The following ADGRL3 variants were observed in gnomAD, a reference collection of about 807,000 sequenced individuals.
ADGRL3 encodes the protein adhesion G protein-coupled receptor L3.
A neutral mutation model predicts 153.5 loss-of-function variants in ADGRL3; 62 were observed. The ratio of observed to expected loss-of-function variants is 0.40; its 90% CI spans 0.33 to 0.50. ADGRL3 has a LOEUF of 0.50. ADGRL3 is among the 20% of genes least tolerant of loss of function. The pLI is 0.47. For missense variants in ADGRL3, 1,641 were observed against 1,859.4 expected (o/e 0.88, Z 2.16); for synonymous variants, 710 against 672.5 (o/e 1.06, Z -0.86).
At chr4:61,451,035 G>A (rs971401948) in intron 2 of ADGRL3, among the ~76,000 whole-genome samples, 1 of 152,042 alleles carries the variant, frequency 6.6e-6, no homozygotes, top group Admixed American at 6.6e-5. Context: ...CATTTTGTGA[G>A]CACTTACTGT....
chr4:61,400,187 TG>T (rs1328667703), intron 2 of ADGRL3, among the ~76,000 whole-genome samples: 4 of 151,762 alleles, frequency 2.6e-5, no homozygotes, highest in Admixed American at 2.6e-4. Context: ...GCATGGTTAA[TG>T]TATCTAGAAG....
At chr4:61,662,792 T>TA (rs1227318910) in intron 5 of ADGRL3, among the ~76,000 whole-genome samples, 2 of 152,110 alleles carry the variant, frequency 1.3e-5, no homozygotes, top group Non-Finnish European at 2.9e-5. Context: ...ACCAATCCCA[T>TA]AAAAACCCTA....
chr4:61,400,263 G>A (rs2096914101), intron 2 of ADGRL3, among the ~76,000 whole-genome samples: 1 of 151,714 alleles, frequency 6.6e-6, no homozygotes, highest in East Asian at 1.9e-4. Context: ...ATTACCAGTG[G>A]ATTTGAGGAA....
At chr4:61,279,388 C>T (rs2093624293) in intron 1 of ADGRL3, among the ~76,000 whole-genome samples, 1 of 152,060 alleles carries the variant, frequency 6.6e-6, no homozygotes, top group Admixed American at 6.6e-5. Context: ...TTCCTGTCAT[C>T]CAGGTTAGTG....
rs147679096 is a variant in ADGRL3 at position 61,531,197 on chromosome 4, C to T, written c.259+13679C>T. Among the ~76,000 whole-genome samples, 25 of 152,260 alleles carry T rather than the reference C, an allele frequency of 1.6e-4. No homozygotes were observed. The East Asian group carries it at 4.6e-3, about 28-fold the overall frequency. On this transcript the variant is annotated intron_variant, in intron 4 of 26. Coordinates refer to ENST00000683033, the MANE Select transcript of ADGRL3 (RefSeq NM_001387552.1). ...CAAAGAAAATGAGTGTGTGTGTATA[C>T]GCATACATGTTCTTTCACAGACCTG...
At chr4:61,400,810 A>G (rs2096920998) in intron 2 of ADGRL3, among the ~76,000 whole-genome samples, 1 of 68,594 alleles carries the variant, frequency 1.5e-5, no homozygotes, top group African/African-American at 3.8e-5. Context: ...ATGTGCAGCT[A>G]AAGTTACAAA....
intron 9 of ADGRL3, among the ~76,000 whole-genome samples, chr4:61,830,600 G>A (rs1337295577): frequency 4.6e-5 from 7 of 152,042 alleles, no homozygotes; most frequent in Admixed American, 3.9e-4. Flanking sequence ...CTTAGAACTG[G>A]GGCAGTGATA....
At chr4:61,852,317 T>TATTTTA (rs1165764245) in intron 9 of ADGRL3, among the ~76,000 whole-genome samples, 1 of 151,790 alleles carries the variant, frequency 6.6e-6, no homozygotes, top group Non-Finnish European at 1.5e-5. Context: ...TATTTTATTT[T>TATTTTA]ATTTTATTAT....
chr4:61,597,072 A>G (rs1376127057), intron 5 of ADGRL3, among the ~76,000 whole-genome samples: 1 of 151,586 alleles, frequency 6.6e-6, no homozygotes, highest in Non-Finnish European at 1.5e-5. Context: ...ATATATAAAT[A>G]TATTATGTGT....
chr4:61,280,247 C>T (rs1421280945), intron 1 of ADGRL3, among the ~76,000 whole-genome samples: 1 of 151,114 alleles, frequency 6.6e-6, no homozygotes, highest in Non-Finnish European at 1.5e-5. Context: ...GTAGCTGGGA[C>T]TACAGGAGCA....
chr4:61,368,247 T>A (rs557785766), intron 1 of ADGRL3, among the ~76,000 whole-genome samples: 1 of 152,194 alleles, frequency 6.6e-6, no homozygotes, highest in South Asian at 2.1e-4. Flanking sequence ...TTTAATTAGA[T>A]CCCATTTGTC....
At chr4:62,038,426 G>A (rs1168178048) in intron 24 of ADGRL3, among the ~76,000 whole-genome samples, 1 of 152,014 alleles carries the variant, frequency 6.6e-6, no homozygotes, top group Non-Finnish European at 1.5e-5. Context: ...TACCTTACCA[G>A]AAAAATTTTA....
intron 21 of ADGRL3, among the ~76,000 whole-genome samples, chr4:62,004,487 T>C (rs899724070): frequency 1.3e-5 from 2 of 151,950 alleles, no homozygotes; most frequent in African/African-American, 4.8e-5. Context: ...GATATACCGA[T>C]TTTTATTTTT....
intron 19 of ADGRL3, among the ~76,000 whole-genome samples, chr4:61,987,187 T>C (rs2099088876): frequency 6.6e-6 from 1 of 151,400 alleles, no homozygotes; most frequent in African/African-American, 2.4e-5. Context: ...ATTTTTGAGA[T>C]GGAGTTTCAC....
chr4:62,006,021 T>C (rs2099157335), intron 21 of ADGRL3, among the ~76,000 whole-genome samples: 1 of 103,876 alleles, frequency 9.6e-6, no homozygotes, highest in East Asian at 2.7e-4. Flanking sequence ...TATATATATA[T>C]ATATATATAT....
chr4:61,326,769 A>G (rs74795881), intron 1 of ADGRL3, among the ~76,000 whole-genome samples: 6,561 of 152,022 alleles, frequency 0.043, 202 homozygotes, highest in Non-Finnish European at 0.066. Context: ...AATTTTCAAC[A>G]CAGTATGTGT....
At chr4:61,862,004 C>G (rs1422769093) in intron 9 of ADGRL3, among the ~76,000 whole-genome samples, 1 of 152,148 alleles carries the variant, frequency 6.6e-6, no homozygotes, top group East Asian at 1.9e-4. Flanking sequence ...AGCTACACAG[C>G]CTTTTTTACA....
chr4:61,882,163 T>G (rs1210823054), intron 9 of ADGRL3, among the ~76,000 whole-genome samples: 2 of 152,196 alleles, frequency 1.3e-5, no homozygotes, highest in Non-Finnish European at 2.9e-5. Context: ...TATTTGGTTG[T>G]TTCAAGTTTA....
rs1579881943 is a variant in ADGRL3 at position 61,617,146 on chromosome 4, A to T, written c.473+29706A>T. ...TAGGATTGATTAACTCTGATTCCTAAGATTTGGTCACGAAATTCAGGTGGT... is the reference window on the plus strand; with the variant it reads ...TAGGATTGATTAACTCTGATTCCTATGATTTGGTCACGAAATTCAGGTGGT... On this transcript the variant is annotated intron_variant, in intron 5 of 26. Transcript: ENST00000683033. 2.6e-5 allele frequency among the ~76,000 whole-genome samples: 4 copies of T among 152,246 alleles called. No individual in the cohort carries two copies. The South Asian group carries it at 8.3e-4, about 32-fold the overall frequency.
Sources: allele counts gnomAD v4.1 joint callset (sites outside exome capture counted in the v4.1 genomes callset), GRCh38; gene constraint gnomAD v4.1.1; transcripts MANE v1.5; gene names NCBI Gene and HGNC (gene_info 2026-07-23, HGNC 2026-07-21).